Variants in SUCLG2 observed in about 807,000 individuals in gnomAD.
The protein encoded by SUCLG2 is succinate--CoA ligase [GDP-forming] subunit beta, mitochondrial.
SUCLG2 carries 42 observed loss-of-function variants against 47.9 expected under a neutral mutation model. The observed-to-expected ratio is 0.88, with a 90% CI of 0.69 to 1.14. SUCLG2 has a LOEUF of 1.14. Ranked by LOEUF, SUCLG2 falls within the 50% of genes most tolerant of loss-of-function variation. SUCLG2 has a pLI of 0.00. For synonymous variants in SUCLG2, 195 were observed against 197.3 expected, an observed-to-expected ratio of 0.99 and a Z score of 0.10; for missense variants, 571 against 525.9, an observed-to-expected ratio of 1.09 and a Z score of -0.84.
chr3:67,458,284 A>G (rs2106951684), intron 9 of SUCLG2, among the ~76,000 whole-genome samples: 1 of 152,280 alleles, frequency 6.6e-6, no homozygotes, highest in South Asian at 2.1e-4. Context: ...AATAACCAAA[A>G]CAGTGCTTTA....
intron 1 of SUCLG2, among the ~76,000 whole-genome samples, chr3:67,648,062 T>A (rs181717136): frequency 6.6e-6 from 1 of 152,204 alleles, no homozygotes; most frequent in Admixed American, 6.5e-5. Context: ...GGGCCCACCA[T>A]CGGGTCATAT....
At chr3:67,600,170 T>A (rs1037663161) in intron 2 of SUCLG2, among the ~76,000 whole-genome samples, 6 of 152,234 alleles carry the variant, frequency 3.9e-5, no homozygotes, top group African/African-American at 1.2e-4. Flanking sequence ...CAAGTCATTA[T>A]ATATTCATTA....
At chr3:67,648,750 C>T (rs1266402396) in intron 1 of SUCLG2, among the ~76,000 whole-genome samples, 1 of 152,084 alleles carries the variant, frequency 6.6e-6, no homozygotes, top group Non-Finnish European at 1.5e-5. Flanking sequence ...TTCTATAGCC[C>T]CTTCCTTCTT....
intron 9 of SUCLG2, among the ~76,000 whole-genome samples, chr3:67,406,163 G>A (rs1267816319): frequency 1.3e-5 from 2 of 152,158 alleles, no homozygotes; most frequent in Non-Finnish European, 2.9e-5. Flanking sequence ...TAGGCAGCCT[G>A]TTTGCTGTCA....
chr3:67,568,818 C>T (rs1295628041), intron 2 of SUCLG2, among the ~76,000 whole-genome samples: 3 of 152,010 alleles, frequency 2.0e-5, no homozygotes, highest in African/African-American at 7.2e-5. Context: ...ACCCGGGAGG[C>T]GGAGCTTGCA....
At chr3:67,384,113 T>A (rs146463484) in intron 10 of SUCLG2, among the ~76,000 whole-genome samples, 5 of 152,330 alleles carry the variant, frequency 3.3e-5, no homozygotes, top group East Asian at 1.9e-4. Context: ...TTCATCACTG[T>A]GTCACTCAGT....
rs1186525237 is a variant in SUCLG2, at chr3:67,529,006, C to T, written c.326+81G>A. 3.2e-6 allele frequency: 4 copies of T among 1,252,222 alleles called. No individual in the cohort carries two copies. In the African/African-American group the frequency reaches 6.1e-5, roughly 19 times the overall value. 77.6% of individuals were successfully genotyped at this position (1,252,222 alleles called of 1,614,324 possible). ...CCGCTCCTACCCCACCACAACCAAC[C>T]TCAGTGTGCCTTTCAATCTTGAGCA... On this transcript the variant is annotated intron_variant, in intron 3 of 10. Transcript: ENST00000307227.
intron 2 of SUCLG2, among the ~76,000 whole-genome samples, chr3:67,601,859 G>A (rs560557757): frequency 1.3e-5 from 2 of 152,192 alleles, no homozygotes; most frequent in Admixed American, 1.3e-4. Context: ...GTGCACGCCT[G>A]TAATCCCAGA....
chr3:67,363,343 AC>A (rs1288468792), intron 10 of SUCLG2, among the ~76,000 whole-genome samples: 2 of 152,158 alleles, frequency 1.3e-5, no homozygotes, highest in African/African-American at 4.8e-5. Flanking sequence ...CTCAAATTGT[AC>A]CACTATACAC....
intron 1 of SUCLG2, among the ~76,000 whole-genome samples, chr3:67,630,789 A>G (rs1048425218): frequency 3.3e-5 from 5 of 152,246 alleles, no homozygotes; most frequent in African/African-American, 1.2e-4. Flanking sequence ...GTTGAAATAC[A>G]AGGTGAACCT....
At chr3:67,585,978 A>AC (rs1387287036) in intron 2 of SUCLG2, among the ~76,000 whole-genome samples, 12 of 87,572 alleles carry the variant, frequency 1.4e-4, no homozygotes, top group South Asian at 3.7e-4. Context: ...AAAAAAAAAA[A>AC]AAAAAAAAAA....
At position 67,533,846 on chromosome 3, in the gene SUCLG2, T is replaced by C. The variant is rs867233281; in HGVS notation, c.227-4660A>G. Among the ~76,000 whole-genome samples the C allele has an allele frequency of 2.0e-5, 3 of 152,214 alleles. No individual in the cohort carries two copies. In the East Asian group the frequency reaches 5.8e-4, roughly 29 times the overall value. On this transcript the variant is annotated intron_variant, in intron 2 of 10. Coordinates refer to ENST00000307227, the MANE Select transcript of SUCLG2 (RefSeq NM_003848.4). ...GATGATACTGTAATAATTCTCCATA[T>C]GTCAAAAGGCATCTTTGAGACTGAA...
intron 2 of SUCLG2, among the ~76,000 whole-genome samples, chr3:67,548,378 G>C (rs1178968831): frequency 6.6e-6 from 1 of 152,104 alleles, no homozygotes; most frequent in African/African-American, 2.4e-5. Context: ...TTTTGTACAT[G>C]TGCTTTGTCA....
At chr3:67,407,074 G>A (rs4453858) in intron 9 of SUCLG2, among the ~76,000 whole-genome samples, 18,843 of 152,078 alleles carry the variant, frequency 0.12, 1,536 homozygotes, top group East Asian at 0.33. Context: ...TTTTGAGCCC[G>A]TCTCTGTCAC....
intron 1 of SUCLG2, among the ~76,000 whole-genome samples, chr3:67,637,271 C>A (rs1701026383): frequency 6.6e-6 from 1 of 152,060 alleles, no homozygotes; most frequent in Non-Finnish European, 1.5e-5. Flanking sequence ...CTTAATAAGC[C>A]CACAGTATAT....
At chr3:67,442,221 G>A (rs942421704) in intron 9 of SUCLG2, among the ~76,000 whole-genome samples, 2 of 151,646 alleles carry the variant, frequency 1.3e-5, no homozygotes, top group Non-Finnish European at 2.9e-5. Flanking sequence ...CGTTTTAGCC[G>A]GGATGGTCTC....
intron 9 of SUCLG2, among the ~76,000 whole-genome samples, chr3:67,403,453 T>G (rs557900927): frequency 6.6e-6 from 1 of 152,324 alleles, no homozygotes; most frequent in Admixed American, 6.5e-5. Flanking sequence ...AACAGACACT[T>G]GATCAACATC....
intron 10 of SUCLG2, among the ~76,000 whole-genome samples, chr3:67,379,601 G>A (rs938692820): frequency 6.6e-6 from 1 of 152,034 alleles, no homozygotes; most frequent in African/African-American, 2.4e-5. Flanking sequence ...ATCCTCTTTT[G>A]CACCCAACTT....
chr3:67,522,198 T>C (rs1215620312), intron 4 of SUCLG2, among the ~76,000 whole-genome samples: 2 of 151,864 alleles, frequency 1.3e-5, no homozygotes, highest in Admixed American at 6.6e-5. Context: ...CGTGCCTCCA[T>C]AGCCACTTAA....
Sources: allele counts gnomAD v4.1 joint callset (sites outside exome capture counted in the v4.1 genomes callset), GRCh38; gene constraint gnomAD v4.1.1; transcripts MANE v1.5; gene names NCBI Gene and HGNC (gene_info 2026-07-23, HGNC 2026-07-21).